Variants in CDC45 observed in about 807,000 individuals in gnomAD.
The protein encoded by CDC45 is cell division cycle 45.
Under a neutral mutation model 77.8 loss-of-function variants are expected in CDC45, and 54 were observed. The ratio of observed to expected loss-of-function variants is 0.69; its 90% CI spans 0.56 to 0.87. CDC45 has a LOEUF of 0.87. CDC45 is among the 40% of genes least tolerant of loss of function. CDC45 has a pLI of 0.00. For synonymous variants in CDC45, 260 were observed against 272.1 expected (o/e 0.96, Z 0.44); for missense variants, 649 against 721.6 (o/e 0.90, Z 1.15).
chr22:19,493,769 G>C (rs904631703), intron 5 of CDC45, among the ~76,000 whole-genome samples: 1 of 152,080 alleles, frequency 6.6e-6, no homozygotes, highest in Non-Finnish European at 1.5e-5. Flanking sequence ...GATGTCGAAG[G>C]GTTTTCGGTA....
At chr22:19,497,473 T>C (rs1233241559) in intron 8 of CDC45, 26 bp downstream of exon 8, 1 of 1,604,142 alleles carries the variant, frequency 6.2e-7, no homozygotes, top group Non-Finnish European at 8.5e-7. Context: ...GGCAGCTGTG[T>C]GGGAGTATTT....
chr22:19,520,132 G>A lies in CDC45; in HGVS notation c.*2-349G>A, dbSNP rs1333703721. The stretch of plus-strand genomic sequence containing the variant: ...ATGCTGCTGTGTGTCCTTCCACTGA[G>A]GCAGGGGCACAGGTGGCCTGGGCTA... On this transcript the variant is annotated intron_variant, in intron 18 of 18. Coordinates refer to ENST00000263201, the MANE Select transcript of CDC45 (RefSeq NM_003504.5). This position sits in a 1 kb window ranked among gnomAD's most constrained non-coding sequence, Gnocchi z 4.5. Among the ~76,000 whole-genome samples the A allele has an allele frequency of 1.3e-5, 2 of 151,936 alleles. No homozygotes were observed. The highest frequency in any genetic ancestry group is 6.5e-5 in the Admixed American group (1 of 15,268).
At chr22:19,489,257 C>A (rs1454659451) in intron 5 of CDC45, among the ~76,000 whole-genome samples, 1 of 151,934 alleles carries the variant, frequency 6.6e-6, no homozygotes, top group Non-Finnish European at 1.5e-5. Flanking sequence ...TGTGAAAGTT[C>A]TGCCAGAAAC....
At chr22:19,482,970 C>CTTTTTTTT in intron 4 of CDC45, 143 bp downstream of exon 4, 1 of 523,262 alleles carries the variant, frequency 1.9e-6, no homozygotes. Context: ...TCTTTGTCAT[C>CTTTTTTTT]TTTTTTTTTT....
At position 19,507,814 on chromosome 22, in the gene CDC45, C is replaced by T. The variant is rs1933285275; in HGVS notation, c.1005C>T (p.Ser335=). 6.2e-7 allele frequency: 1 copy of T among 1,602,358 alleles called. No individual in the cohort carries two copies. Among genetic ancestry groups the T allele is most frequent in the Admixed American group, 1.8e-5 (1 of 56,366 alleles). Residue 335 remains serine (S), a synonymous_variant, in exon 12 of 19, where the codon TCC becomes TCT. Coordinates refer to ENST00000263201, the MANE Select transcript of CDC45 (RefSeq NM_003504.5). ...VKQKFQAMDI[S]LKENLREMIE... ...AGAAGTTCCAGGCCATGGACATCTCCTTGAAGGAGAATTTGCGGGAAATGA... is the reference window on the plus strand; with the variant it reads ...AGAAGTTCCAGGCCATGGACATCTCTTTGAAGGAGAATTTGCGGGAAATGA...
chr22:19,487,768 C>T (rs1191626785), intron 5 of CDC45, among the ~76,000 whole-genome samples: 6 of 151,516 alleles, frequency 4.0e-5, no homozygotes, highest in Middle Eastern at 3.2e-3. Context: ...AAAAATTTCC[C>T]GGGCATGGTG....
rs752745197 is a variant in CDC45 at position 19,508,511 on chromosome 22, G to A, written c.1056-19G>A. 5.6e-6 allele frequency: 9 copies of A among 1,614,150 alleles called. No individual in the cohort carries two copies. In the South Asian group the frequency reaches 7.7e-5, roughly 14 times the overall value. On this transcript the variant is annotated intron_variant, in intron 12 of 18. Coordinates refer to ENST00000263201, the MANE Select transcript of CDC45 (RefSeq NM_003504.5). Reference sequence around the variant, plus strand: ...TGCCCACAATTTGAGGGTGACAGCTGTGTTTGCTCCCATGACAGGATGAAG... The same window carrying A: ...TGCCCACAATTTGAGGGTGACAGCTATGTTTGCTCCCATGACAGGATGAAG...
chr22:19,488,907 C>T (rs1188523457), intron 5 of CDC45, among the ~76,000 whole-genome samples: 1 of 152,098 alleles, frequency 6.6e-6, no homozygotes, highest in Non-Finnish European at 1.5e-5. Context: ...ATGGTAAAAT[C>T]CTGTAGTATA....
chr22:19,493,754 T>C (rs2090193876), intron 5 of CDC45, among the ~76,000 whole-genome samples: 1 of 152,328 alleles, frequency 6.6e-6, no homozygotes, highest in East Asian at 1.9e-4. Context: ...CTTTGTTTGA[T>C]CTATGATGTC....
chr22:19,487,110 A>G (rs1254536403), intron 5 of CDC45, among the ~76,000 whole-genome samples: 1 of 152,012 alleles, frequency 6.6e-6, no homozygotes, highest in Non-Finnish European at 1.5e-5. Flanking sequence ...CCTGACCAAC[A>G]TGGAGAAACC....
intron 13 of CDC45, 101 bp downstream of exon 13, chr22:19,508,792 T>C: frequency 8.8e-7 from 1 of 1,141,276 alleles, no homozygotes; most frequent in South Asian, 1.4e-5. Context: ...GGAGTGACTG[T>C]GTCCTGCAGA....
intron 4 of CDC45, 104 bp downstream of exon 4, chr22:19,482,931 C>T: frequency 1.0e-6 from 1 of 990,978 alleles, no homozygotes; most frequent in Non-Finnish European, 1.5e-6. Context: ...CCCTGTGGGA[C>T]TGGGAACAGC....
chr22:19,493,826 G>A (rs1180617980), intron 5 of CDC45, among the ~76,000 whole-genome samples: 1 of 152,230 alleles, frequency 6.6e-6, no homozygotes, highest in African/African-American at 2.4e-5. Context: ...CATTTTCCCA[G>A]AAGCAGGAGT....
chr22:19,481,509 G>T (rs1488286116), intron 3 of CDC45, among the ~76,000 whole-genome samples: 1 of 151,826 alleles, frequency 6.6e-6, no homozygotes, highest in African/African-American at 2.4e-5. Context: ...CTCCTGAGTA[G>T]CTGGGACTAC....
At chr22:19,480,871 C>A (rs896414383) in intron 2 of CDC45, 82 bp from the exon 3 acceptor site, 5 of 840,124 alleles carry the variant, frequency 6.0e-6, no homozygotes, top group East Asian at 2.5e-5. Context: ...TCTCTCAACC[C>A]GTCTAATCTT....
chr22:19,486,457 T>C (rs1159114018), intron 5 of CDC45, among the ~76,000 whole-genome samples: 1 of 152,208 alleles, frequency 6.6e-6, no homozygotes, highest in Non-Finnish European at 1.5e-5. Context: ...CTCTTTTTTT[T>C]CTTTTGTTTT....
At chr22:19,508,142 G>T (rs1159641917) in intron 12 of CDC45, among the ~76,000 whole-genome samples, 1 of 152,130 alleles carries the variant, frequency 6.6e-6, no homozygotes, top group Admixed American at 6.5e-5. Context: ...TGTGGGACCT[G>T]TGAGGTCGAC....
intron 13 of CDC45, among the ~76,000 whole-genome samples, chr22:19,511,329 CT>C (rs374439054): frequency 0.017 from 2,145 of 126,290 alleles, 44 homozygotes; most frequent in African/African-American, 0.053. Context: ...AGTCCTTTGT[CT>C]TTTTTTTTTT....
intron 5 of CDC45, 46 bp downstream of exon 5, chr22:19,484,051 C>A (rs1464797275): frequency 6.4e-7 from 1 of 1,555,116 alleles, no homozygotes; most frequent in Non-Finnish European, 8.7e-7. Context: ...CTTGCACTCC[C>A]AGAGGTCGGA....
Sources: gnomAD v4.1 joint callset for allele counts (sites outside exome capture counted in the v4.1 genomes callset) on GRCh38, gnomAD v4.1.1 for gene constraint, Gnocchi (gnomAD v3.1) non-coding constraint, MANE v1.5 for transcripts, NCBI Gene and HGNC (gene_info 2026-07-23, HGNC 2026-07-21) for gene names.